The following ZFP64 variants were observed in gnomAD, a reference collection of about 807,000 sequenced individuals.
ZFP64 encodes ZFP64 zinc finger protein, also known as zinc finger protein 64.
A neutral mutation model predicts 51.6 loss-of-function variants in ZFP64; 14 were observed. The observed-to-expected ratio is 0.27, with a 90% CI of 0.18 to 0.42. The LOEUF (loss-of-function observed/expected upper bound fraction) is 0.42. Among genes scored for constraint, ZFP64 ranks in the 10% least tolerant of loss-of-function variants. The pLI is 1.00. For missense variants in ZFP64, 754 were observed against 906.8 expected (o/e 0.83, Z 2.16); for synonymous variants, 375 against 361.4 (o/e 1.04, Z -0.43).
intron 5 of ZFP64, among the ~76,000 whole-genome samples, chr20:52,138,086 A>C (rs560948407): frequency 9.9e-5 from 15 of 152,158 alleles, no homozygotes; most frequent in African/African-American, 3.1e-4. Flanking sequence ...ACACATCTGG[A>C]GTCCCAACTA....
chr20:52,105,304 T>G, intron 5 of ZFP64: 2 of 1,260,354 alleles, frequency 1.6e-6, no homozygotes, highest in Non-Finnish European at 2.0e-6. Flanking sequence ...ATTCCCGGAG[T>G]TCGGAAATTA....
intron 5 of ZFP64, among the ~76,000 whole-genome samples, chr20:52,124,879 C>T (rs1979375680): frequency 6.6e-6 from 1 of 152,002 alleles, no homozygotes. Flanking sequence ...GCTGGGATTA[C>T]AGGTATGAGC....
intron 5 of ZFP64, among the ~76,000 whole-genome samples, chr20:52,119,041 G>A (rs1979024646): frequency 6.6e-6 from 1 of 152,114 alleles, no homozygotes; most frequent in South Asian, 2.1e-4. Flanking sequence ...TATCAAAAAA[G>A]GTCGAGGGCA....
chr20:52,110,166 G>C (rs138799598), intron 5 of ZFP64, among the ~76,000 whole-genome samples: 4 of 152,280 alleles, frequency 2.6e-5, no homozygotes, highest in Admixed American at 2.6e-4. Flanking sequence ...ACACCAGCTA[G>C]AGACATCCCA....
chr20:52,151,729 G>A lies in ZFP64; in HGVS notation c.*417C>T, dbSNP rs1273456183. 9.9e-7 allele frequency: 1 copy of A among 1,009,674 alleles called. No homozygotes were observed. The highest frequency in any genetic ancestry group is 1.7e-5 in the African/African-American group (1 of 57,888). 62.5% of individuals were successfully genotyped at this position (1,009,674 alleles called of 1,614,324 possible). A position where few individuals can be genotyped will look rare whatever the true frequency, so the allele number is the denominator to read the frequency against. ...AATTACAATTTATTATGGGGCCAGG[G>A]GGATTCACAACCATCCTTAAAAACA... On this transcript the variant is annotated 3_prime_UTR_variant, in exon 6 of 6. Coordinates refer to ENST00000216923, the MANE Select transcript of ZFP64 (RefSeq NM_018197.3).
chr20:52,152,198 T>C lies in ZFP64; in HGVS notation c.1994A>G (p.Gln665Arg), dbSNP rs1350257326. ...GAGCAAAGCTGGATGGGCTGCCCCT[T>C]GAATGATGGAGTAGGTCTGCTTGGG... ...ELPKQTYSII[Q>R]GAAHPALLCP... Residue 665 changes from glutamine (Q) to arginine (R), a missense_variant, in exon 6 of 6, where the codon CAA (glutamine) becomes CGA (arginine). Gln to Arg is a conservative substitution (Grantham distance 43). Transcript: ENST00000216923. 3.1e-6 allele frequency: 5 copies of C among 1,614,130 alleles called. No individual in the cohort carries two copies. Among genetic ancestry groups the C allele is most frequent in the Non-Finnish European group, 4.2e-6 (5 of 1,180,022 alleles).
At position 52,104,770 on chromosome 20, in the gene ZFP64, G is replaced by A. The variant is rs765807930; in HGVS notation, c.764-6183C>T. ...CCCCAAGGCAAGAAGCCACCTTCCAGGCGCGCAGCCGAAGCCCAGTGCCAA... is the reference window on the plus strand; with the variant it reads ...CCCCAAGGCAAGAAGCCACCTTCCAAGCGCGCAGCCGAAGCCCAGTGCCAA... On this transcript the variant is annotated intron_variant, in intron 5 of 8. Coordinates refer to the ZFP64 transcript ENST00000361387. The A allele has an allele frequency of 8.9e-6, 5 of 561,046 alleles. No individual in the cohort carries two copies. The East Asian group carries it at 1.9e-4, about 21-fold the overall frequency. The allele number at this position is 561,046 out of a possible 1,614,324, so 34.8% of individuals were successfully genotyped here. A position where few individuals can be genotyped will look rare whatever the true frequency, so the allele number is the denominator to read the frequency against.
chr20:52,088,688 A>G, intron 7 of ZFP64: 1 of 1,611,340 alleles, frequency 6.2e-7, no homozygotes, highest in Non-Finnish European at 8.5e-7. Flanking sequence ...TTTGGTCAAG[A>G]TGGCTACAAA....
At chr20:52,165,341 G>A (rs566253411) in intron 3 of ZFP64, 78 of 455,886 alleles carry the variant, frequency 1.7e-4, no homozygotes, top group South Asian at 1.2e-3. Context: ...AGGAATAAAG[G>A]GGCATCACAT....
At position 52,165,645 on chromosome 20, in the gene ZFP64, G is replaced by T. The variant is rs1938850392; in HGVS notation, c.448+219C>A. On this transcript the variant is annotated intron_variant, in intron 3 of 5. Coordinates refer to ENST00000216923, the MANE Select transcript of ZFP64 (RefSeq NM_018197.3). Reference sequence around the variant, plus strand: ...AATTTTCACGAGTTCCACTTCAAAGGCCTATGGCTAGAAAAGTCTTAGAAC... The same window carrying T: ...AATTTTCACGAGTTCCACTTCAAAGTCCTATGGCTAGAAAAGTCTTAGAAC... 1.5e-5 allele frequency: 11 copies of T among 713,974 alleles called. No individual in the cohort carries two copies. The South Asian group carries it at 1.7e-4, about 11-fold the overall frequency. 44.2% of individuals were successfully genotyped at this position (713,974 alleles called of 1,614,324 possible).
At chr20:52,169,138 A>G (rs558523902) in intron 2 of ZFP64, among the ~76,000 whole-genome samples, 5 of 152,324 alleles carry the variant, frequency 3.3e-5, no homozygotes, top group African/African-American at 9.6e-5. Flanking sequence ...CACCATGCCC[A>G]CTTCATAAGG....
At chr20:52,118,365 G>A (rs1978990298) in intron 5 of ZFP64, among the ~76,000 whole-genome samples, 1 of 152,116 alleles carries the variant, frequency 6.6e-6, no homozygotes, top group African/African-American at 2.4e-5. Flanking sequence ...TGGTTTGAAA[G>A]CTCCTGAGCT....
rs1981704127 is a variant in ZFP64 at position 52,160,541 on chromosome 20, G to C, written c.512-167C>G. Among the ~76,000 whole-genome samples, 1 of 152,014 alleles carries C rather than the reference G, an allele frequency of 6.6e-6. No individual in the cohort carries two copies. Among genetic ancestry groups the C allele is most frequent in the Admixed American group, 6.6e-5 (1 of 15,256 alleles). On this transcript the variant is annotated intron_variant, in intron 4 of 5. Transcript: ENST00000216923. This position sits in a 1 kb window ranked among gnomAD's most constrained non-coding sequence, Gnocchi z 4.2. ...GGCAAAGAGCTAACATCTTGGGAGA[G>C]GGGAAGTTTCTTCCATGTTCCTTAT...
chr20:52,171,849 G>A (rs189467932), intron 2 of ZFP64, among the ~76,000 whole-genome samples: 1 of 151,932 alleles, frequency 6.6e-6, no homozygotes, highest in East Asian at 1.9e-4. Context: ...CTGGGTTCAA[G>A]CGATTCTCCC....
downstream of ZFP64, among the ~76,000 whole-genome samples, chr20:52,146,625 T>C (rs1475856212): frequency 6.6e-6 from 1 of 151,666 alleles, no homozygotes. Flanking sequence ...ATATACCTAA[T>C]GCTAAATGAC....
chr20:52,141,797 C>T (rs954680770), intron 5 of ZFP64, among the ~76,000 whole-genome samples: 3 of 152,138 alleles, frequency 2.0e-5, no homozygotes, highest in African/African-American at 7.2e-5. Context: ...GGATTGAATC[C>T]AATTTTGAAA....
chr20:52,088,524 C>G, exon 8 of ZFP64: 1 of 1,614,174 alleles, frequency 6.2e-7, no homozygotes, highest in Non-Finnish European at 8.5e-7. Context: ...TCCACGGCAG[C>G]GTAGTCACAC....
chr20:52,113,885 A>G (rs182117226), intron 5 of ZFP64, among the ~76,000 whole-genome samples: 9 of 152,296 alleles, frequency 5.9e-5, no homozygotes, highest in African/African-American at 1.7e-4. Flanking sequence ...AGGTGCTGTG[A>G]TCAAAATACT....
At chr20:52,116,466 A>G (rs6013394) in intron 5 of ZFP64, among the ~76,000 whole-genome samples, 2,926 of 151,202 alleles carry the variant, frequency 0.019, 98 homozygotes, top group African/African-American at 0.067. Context: ...TTTTTTAAAG[A>G]AAATAAGGAA....
Sources: gnomAD v4.1 joint callset for allele counts (sites outside exome capture counted in the v4.1 genomes callset) on GRCh38, gnomAD v4.1.1 for gene constraint, Gnocchi (gnomAD v3.1) non-coding constraint, MANE v1.5 for transcripts, NCBI Gene and HGNC (gene_info 2026-07-23, HGNC 2026-07-21) for gene names.